ZBBX: variants seen among roughly 807,000 people sequenced by gnomAD.
The protein encoded by ZBBX is zinc finger B-box domain-containing protein 1.
ZBBX carries 101 observed loss-of-function variants against 108.5 expected under a neutral mutation model. The ratio of observed to expected loss-of-function variants is 0.93; its 90% confidence interval spans 0.79 to 1.10. ZBBX has a LOEUF of 1.10. Among genes scored for constraint, ZBBX ranks in the 50% least tolerant of loss-of-function variants. The pLI is 0.00. For synonymous variants in ZBBX, 356 were observed against 323.4 expected (o/e 1.10, Z -1.08); for missense variants, 1,009 against 941.4 (o/e 1.07, Z -0.94).
chr3:167,294,322 C>G (rs182187130), intron 18 of ZBBX, among the ~76,000 whole-genome samples: 174 of 152,258 alleles, frequency 1.1e-3, no homozygotes, highest in Admixed American at 9.0e-3. Flanking sequence ...TAACCCAAAA[C>G]AGCATTGTAC....
chr3:167,306,119 A>G (rs533057758), intron 16 of ZBBX, among the ~76,000 whole-genome samples, 169 bp from the exon 17 acceptor site: 1 of 152,316 alleles, frequency 6.6e-6, no homozygotes, highest in Admixed American at 6.5e-5. Flanking sequence ...GCTTATATTC[A>G]TAAGTGGTAA....
Position 167,282,252 on chromosome 3 carries a change from A to G in ZBBX, c.2240T>C (p.Leu747Pro). 6.2e-7 allele frequency: 1 copy of G among 1,611,874 alleles called. No homozygotes were observed. The highest frequency in any genetic ancestry group is 8.5e-7 in the Non-Finnish European group (1 of 1,179,216). The part of the protein sequence containing the change: ...LDNLEKELQV[L>P]RSLADTSEKL... ...AATAGGATTACCTGCAAGAGATCTC[A>G]GCACTTGTAATTCTTTTTCCAAATT... Residue 747 changes from leucine to proline, a missense_variant, in exon 20 of 22, where the codon CTG (leucine) becomes CCG (proline). Coordinates refer to ENST00000675490, the MANE Select transcript of ZBBX (RefSeq NM_001199201.2).
chr3:167,327,454 C>T (rs551752035), intron 11 of ZBBX, among the ~76,000 whole-genome samples: 2 of 152,210 alleles, frequency 1.3e-5, no homozygotes, highest in African/African-American at 4.8e-5. Context: ...CAATTCAGGG[C>T]CTATAAATAT....
intron 19 of ZBBX, among the ~76,000 whole-genome samples, chr3:167,287,995 T>A (rs1730002884): frequency 6.6e-6 from 1 of 152,070 alleles, no homozygotes; most frequent in Non-Finnish European, 1.5e-5. Context: ...AAGATAGCCT[T>A]TAAACCAAGG....
At chr3:167,199,827 A>G in the ZBBX span, among the ~76,000 whole-genome samples, 1 of 152,224 alleles carries the variant, frequency 6.6e-6, no homozygotes, top group African/African-American at 2.4e-5. Flanking sequence ...TACATTTTCA[A>G]GAGTTACCAT....
chr3:167,196,212 C>T, the ZBBX span, among the ~76,000 whole-genome samples: 1 of 152,088 alleles, frequency 6.6e-6, no homozygotes, highest in Non-Finnish European at 1.5e-5. Context: ...CCTTTAGAAC[C>T]AACTGAGGAC....
At chr3:167,356,341 G>T (rs1184597055) in intron 8 of ZBBX, among the ~76,000 whole-genome samples, 1 of 151,920 alleles carries the variant, frequency 6.6e-6, no homozygotes, top group Non-Finnish European at 1.5e-5. Flanking sequence ...ACTACCAAGA[G>T]CGGGGGTTTT....
intron 10 of ZBBX, among the ~76,000 whole-genome samples, chr3:167,328,466 C>A (rs1443362555): frequency 6.9e-6 from 1 of 145,530 alleles, no homozygotes; most frequent in African/African-American, 2.5e-5. Flanking sequence ...CTCCCCGCAA[C>A]CTTCTCATAT....
intron 18 of ZBBX, 131 bp from the exon 19 acceptor site, chr3:167,289,114 T>A (rs942975747): frequency 2.7e-6 from 1 of 370,542 alleles, no homozygotes; most frequent in Non-Finnish European, 4.6e-6. Context: ...ATATATATTA[T>A]GAAATACAAA....
the ZBBX span, among the ~76,000 whole-genome samples, chr3:167,191,915 A>ATAT: frequency 1.6e-5 from 2 of 125,086 alleles, no homozygotes; most frequent in Admixed American, 7.8e-5. Context: ...ATATATATAT[A>ATAT]TATATATATA....
intron 1 of ZBBX, among the ~76,000 whole-genome samples, chr3:167,404,459 G>A (rs1748520401): frequency 6.6e-6 from 1 of 152,098 alleles, no homozygotes; most frequent in Non-Finnish European, 1.5e-5. Context: ...AATGAGTATT[G>A]TCAGAGAAGA....
chr3:167,317,414 G>C (rs1735645983), intron 13 of ZBBX, 74 bp downstream of exon 13: 25 of 1,155,926 alleles, frequency 2.2e-5, no homozygotes, highest in Non-Finnish European at 3.0e-5. Context: ...ACCAAAAGCA[G>C]ATTCTGATTA....
chr3:167,280,510 C>T (rs1276797594), intron 20 of ZBBX, among the ~76,000 whole-genome samples: 4 of 150,292 alleles, frequency 2.7e-5, no homozygotes, highest in South Asian at 4.3e-4. Context: ...AAAATGCTCA[C>T]CATCACTGGC....
intron 9 of ZBBX, among the ~76,000 whole-genome samples, chr3:167,348,919 A>G (rs1742173537): frequency 1.3e-5 from 2 of 152,102 alleles, no homozygotes; most frequent in South Asian, 4.1e-4. Context: ...TTTAGAAAGC[A>G]TACTGTATGC....
chr3:167,370,854 G>T (rs944504246), intron 4 of ZBBX, among the ~76,000 whole-genome samples: 5 of 152,058 alleles, frequency 3.3e-5, no homozygotes, highest in African/African-American at 4.8e-5. Flanking sequence ...AAAAAAAATT[G>T]TTATTTTAAA....
At chr3:167,179,336 C>T in the ZBBX span, among the ~76,000 whole-genome samples, 1 of 152,212 alleles carries the variant, frequency 6.6e-6, no homozygotes, top group East Asian at 1.9e-4. Flanking sequence ...TCAGGTAATG[C>T]TGTATTTGCG....
At chr3:167,264,878 C>T (rs948103815) in intron 20 of ZBBX, among the ~76,000 whole-genome samples, 2 of 152,206 alleles carry the variant, frequency 1.3e-5, no homozygotes, top group Non-Finnish European at 2.9e-5. Context: ...GGGATTTCTA[C>T]TCGGCCACCA....
At chr3:167,327,613 T>G (rs944787395) in intron 11 of ZBBX, among the ~76,000 whole-genome samples, 1 of 152,034 alleles carries the variant, frequency 6.6e-6, no homozygotes, top group Non-Finnish European at 1.5e-5. Context: ...TTTAAAACAT[T>G]CATGGTATAA....
At chr3:167,273,228 T>A (rs762773364) in intron 20 of ZBBX, among the ~76,000 whole-genome samples, 9 of 152,204 alleles carry the variant, frequency 5.9e-5, no homozygotes, top group Non-Finnish European at 1.2e-4. Context: ...TGAAACAGGA[T>A]ATCAAGATGT....
Sources: allele counts gnomAD v4.1 joint callset (sites outside exome capture counted in the v4.1 genomes callset), GRCh38; gene constraint gnomAD v4.1.1; transcripts MANE v1.5; gene names NCBI Gene and HGNC (gene_info 2026-07-23, HGNC 2026-07-21).